Variants in ARHGDIA observed in about 807,000 individuals in gnomAD.
ARHGDIA encodes rho GDP-dissociation inhibitor 1.
A neutral mutation model predicts 25.0 loss-of-function variants in ARHGDIA; 9 were observed. The ratio of observed to expected loss-of-function variants is 0.36; its 90% CI spans 0.22 to 0.63. The LOEUF is 0.63. Among genes scored for constraint, ARHGDIA ranks in the 20% least tolerant of loss-of-function variants. ARHGDIA has a pLI of 0.69. For synonymous variants in ARHGDIA, 166 were observed against 111.5 expected (o/e 1.49, Z -3.08); for missense variants, 239 against 264.3 (o/e 0.90, Z 0.66).
At position 81,869,415 on chromosome 17, in the gene ARHGDIA, G is replaced by A. The variant is rs1308668192; in HGVS notation, c.275-9C>T. 1.2e-5 allele frequency: 19 copies of A among 1,613,430 alleles called. No individual in the cohort carries two copies. Among genetic ancestry groups the A allele is most frequent in the Non-Finnish European group, 1.4e-5 (17 of 1,179,934 alleles). On this transcript the variant is annotated splice_polypyrimidine_tract_variant and intron_variant, in intron 3 of 5. Transcript: ENST00000269321. ...GAAGCTCTCCAGGTCGCCTGTTGGG[G>A]GGACCTCCCCCTCAATGACTGCCCA...
At chr17:81,869,500 C>T in intron 3 of ARHGDIA, 42 bp downstream of exon 3, 6 of 1,608,536 alleles carry the variant, frequency 3.7e-6, no homozygotes, top group Non-Finnish European at 5.1e-6. Context: ...CCGAGATCCC[C>T]ACCAGGGGCC....
intron 4 of ARHGDIA, 40 bp from the exon 5 acceptor site, chr17:81,869,276 G>A: frequency 1.2e-6 from 2 of 1,613,884 alleles, no homozygotes; most frequent in Non-Finnish European, 8.5e-7. Flanking sequence ...GGTCGGTCCG[G>A]ACCCCAGCCC....
In ARHGDIA at chr17:81,869,083, A is replaced by C. The variant is rs754109519; in HGVS notation, c.416-8T>G. 1 of 1,612,702 alleles carries C rather than the reference A, an allele frequency of 6.2e-7. No homozygotes were observed. The highest frequency in any genetic ancestry group is 1.1e-5 in the South Asian group (1 of 91,026). On this transcript the variant is annotated splice_region_variant and splice_polypyrimidine_tract_variant and intron_variant, in intron 5 of 5. Transcript: ENST00000269321. Reference sequence around the variant, plus strand: ...TGTAGTCAGTCTTGTCAACTGCGGCACAAGGAAGAGGGCGGTCAGCGGCCC... The same window carrying C: ...TGTAGTCAGTCTTGTCAACTGCGGCCCAAGGAAGAGGGCGGTCAGCGGCCC...
rs764816110 is a variant in ARHGDIA at position 81,868,525 on chromosome 17, G to C, written c.*351C>G. 14 of 1,531,582 alleles carry C rather than the reference G, an allele frequency of 9.1e-6. No individual in the cohort carries two copies. The highest frequency in any genetic ancestry group is 4.8e-5 in the South Asian group (4 of 83,744). 94.9% of individuals were successfully genotyped at this position (1,531,582 alleles called of 1,614,324 possible). A position where few individuals can be genotyped will look rare whatever the true frequency, so the allele number is the denominator to read the frequency against. On this transcript the variant is annotated 3_prime_UTR_variant, in exon 6 of 6. Coordinates refer to ENST00000269321, the MANE Select transcript of ARHGDIA (RefSeq NM_004309.6). ...CGTCCAGGGGCAACCACGGGGCCTG[G>C]AGAATGGCTGCTCCGCTCCCTCCTG...
chr17:81,868,657 A>C lies in ARHGDIA; in HGVS notation c.*219T>G. The C allele has an allele frequency of 6.5e-7, 1 of 1,535,078 alleles. No individual in the cohort carries two copies. The highest frequency in any genetic ancestry group is 8.7e-7 in the Non-Finnish European group (1 of 1,146,728). On this transcript the variant is annotated 3_prime_UTR_variant, in exon 6 of 6. Transcript: ENST00000269321. ...CCCCACAGCACAGGCAGAAGCAGCA[A>C]CGAGACAGGAGACCGAGGAGGCTGG...
chr17:81,869,981 C>T lies in ARHGDIA; in HGVS notation c.-27-24G>A. 3.8e-6 allele frequency: 6 copies of T among 1,596,934 alleles called. No individual in the cohort carries two copies. The South Asian group carries it at 5.5e-5, about 15-fold the overall frequency. ...ACCTGTGGGCGGGACGGTGACAGGCCTTGGACCTGGATCCCCAACGGAGGC... is the reference window on the plus strand; with the variant it reads ...ACCTGTGGGCGGGACGGTGACAGGCTTTGGACCTGGATCCCCAACGGAGGC... On this transcript the variant is annotated intron_variant, in intron 1 of 5. Transcript: ENST00000269321.
Position 81,869,605 on chromosome 17 carries a change from CGACGTTGGG to C in ARHGDIA, c.202_210del (p.Pro68_Val70del), listed in dbSNP as rs758277491. Reference sequence around the variant, plus strand: ...CACACCAGGGTCAGGCCAGTCACCACGACGTTGGGGACGTTGGGGTCTGGGGAGTGACAG... The same window carrying C: ...CACACCAGGGTCAGGCCAGTCACCACGACGTTGGGGTCTGGGGAGTGACAG... On this transcript the variant is annotated inframe_deletion, in exon 3 of 6. Coordinates refer to ENST00000269321, the MANE Select transcript of ARHGDIA (RefSeq NM_004309.6). 2 of 1,521,596 alleles carry C rather than the reference CGACGTTGGG, an allele frequency of 1.3e-6. No homozygotes were observed. Among genetic ancestry groups the C allele is most frequent in the Non-Finnish European group, 8.8e-7 (1 of 1,136,978 alleles). The allele number at this position is 1,521,596 out of a possible 1,614,324, so 94.3% of individuals were successfully genotyped here. A position where few individuals can be genotyped will look rare whatever the true frequency, so the allele number is the denominator to read the frequency against.
chr17:81,869,448 T>C (rs1227701195), intron 3 of ARHGDIA, 42 bp from the exon 4 acceptor site: 1 of 1,612,508 alleles, frequency 6.2e-7, no homozygotes, highest in Non-Finnish European at 8.5e-7. Context: ...CCAGCAGCCC[T>C]GCGCGAAGCC....
chr17:81,869,741 C>T lies in ARHGDIA; in HGVS notation c.190G>A (p.Asp64Asn), dbSNP rs1280391121. 6.2e-7 allele frequency: 1 copy of T among 1,612,424 alleles called. No individual in the cohort carries two copies. Among genetic ancestry groups the T allele is most frequent in the Non-Finnish European group, 8.5e-7 (1 of 1,179,420 alleles). The change falls in exon 2 of 6, where the codon GAC becomes AAC. Residue 64 changes from aspartate (D) to asparagine (N), a missense_variant and splice_region_variant. Physicochemically the swap from Asp to Asn is conservative, Grantham distance 23. Coordinates refer to ENST00000269321, the MANE Select transcript of ARHGDIA (RefSeq NM_004309.6). ...CCCGGCTCCCGCAGCCCAGACTCACCTGCGGAAACGGCCACGCGGCCCAGC... is the reference window on the plus strand; with the variant it reads ...CCCGGCTCCCGCAGCCCAGACTCACTTGCGGAAACGGCCACGCGGCCCAGC... Reference protein sequence around the residue: ...ALLGRVAVSADPNVPNVVVTG... With the variant: ...ALLGRVAVSANPNVPNVVVTG...
In ARHGDIA at chr17:81,868,552, A is replaced by G; in HGVS notation, c.*324T>C. ...GAATGGCTGCTCCGCTCCCTCCTGAAGCCAGGCCTCGGGTGTGACGGGGAG... is the reference window on the plus strand; with the variant it reads ...GAATGGCTGCTCCGCTCCCTCCTGAGGCCAGGCCTCGGGTGTGACGGGGAG... On this transcript the variant is annotated 3_prime_UTR_variant, in exon 6 of 6. Coordinates refer to ENST00000269321, the MANE Select transcript of ARHGDIA (RefSeq NM_004309.6). 6.5e-7 allele frequency: 1 copy of G among 1,534,616 alleles called. No homozygotes were observed. The highest frequency in any genetic ancestry group is 1.2e-5 in the South Asian group (1 of 83,970).
At chr17:81,869,702 T>C in intron 2 of ARHGDIA, 39 bp downstream of exon 2, 1 of 1,584,006 alleles carries the variant, frequency 6.3e-7, no homozygotes, top group East Asian at 2.3e-5. Flanking sequence ...ACAGCTGGAG[T>C]GAACGGGCGG....
rs2039237931 is a variant in ARHGDIA at position 81,869,985 on chromosome 17, G to A, written c.-27-28C>T. ...GTGGGCGGGACGGTGACAGGCCTTG[G>A]ACCTGGATCCCCAACGGAGGCGCAC... On this transcript the variant is annotated intron_variant, in intron 1 of 5. Transcript: ENST00000269321. 1.2e-5 allele frequency: 19 copies of A among 1,594,660 alleles called. No individual in the cohort carries two copies. In the South Asian group the frequency reaches 1.8e-4, roughly 15 times the overall value.
At position 81,868,889 on chromosome 17, in the gene ARHGDIA, T is replaced by A; in HGVS notation, c.602A>T (p.Asp201Val). Reference sequence around the variant, plus strand: ...CTCTGGCTGGGCTCAGTCCTTCCAGTCCTTCTTGATGGTGAGATTCCACTC... The same window carrying A: ...CTCTGGCTGGGCTCAGTCCTTCCAGACCTTCTTGATGGTGAGATTCCACTC... ...SWEWNLTIKK[D>V]WKD Residue 201 changes from aspartate (D) to valine (V), a missense_variant, in exon 6 of 6, where the codon GAC becomes GTC. Physicochemically the swap from Asp to Val is radical, Grantham distance 152 (BLOSUM62 -3). Coordinates refer to ENST00000269321, the MANE Select transcript of ARHGDIA (RefSeq NM_004309.6). 1 of 1,613,298 alleles carries A rather than the reference T, an allele frequency of 6.2e-7. No homozygotes were observed. The highest frequency in any genetic ancestry group is 8.5e-7 in the Non-Finnish European group (1 of 1,179,860).
rs1016323815 is a variant in ARHGDIA, at chr17:81,868,671, CGAG to C, written c.*202_*204del. 4.6e-6 allele frequency: 7 copies of C among 1,534,578 alleles called. No homozygotes were observed. The highest frequency in any genetic ancestry group is 1.2e-5 in the South Asian group (1 of 83,474). On this transcript the variant is annotated 3_prime_UTR_variant, in exon 6 of 6. Transcript: ENST00000269321. The stretch of plus-strand genomic sequence containing the variant: ...CAGAAGCAGCAACGAGACAGGAGAC[CGAG>C]GAGGCTGGGCCTGTGGGTGGGGGAG...
chr17:81,868,258 G>A lies in ARHGDIA; in HGVS notation c.*618C>T. Reference sequence around the variant, plus strand: ...GGAGCAGCAGCAGCACACCCCACGTGTCCCTGGGTCACTGGGTTCGCCACC... The same window carrying A: ...GGAGCAGCAGCAGCACACCCCACGTATCCCTGGGTCACTGGGTTCGCCACC... On this transcript the variant is annotated 3_prime_UTR_variant, in exon 6 of 6. Transcript: ENST00000269321. The A allele has an allele frequency of 9.0e-7, 1 of 1,116,500 alleles. No individual in the cohort carries two copies. Among genetic ancestry groups the A allele is most frequent in the Non-Finnish European group, 1.2e-6 (1 of 820,690 alleles). 69.2% of individuals were successfully genotyped at this position (1,116,500 alleles called of 1,614,324 possible).
At chr17:81,870,378 C>T (rs1050084920) in intron 1 of ARHGDIA, 3 of 167,826 alleles carry the variant, frequency 1.8e-5, no homozygotes, top group Admixed American at 6.0e-5. Flanking sequence ...TAGGGTTGCT[C>T]CTCTGGCCGT....
Position 81,868,236 on chromosome 17 carries a change from G to A in ARHGDIA, c.*640C>T, listed in dbSNP as rs991522524. 15 of 896,328 alleles carry A rather than the reference G, an allele frequency of 1.7e-5. No homozygotes were observed. The East Asian group carries it at 2.8e-4, about 17-fold the overall frequency. The allele number at this position is 896,328 out of a possible 1,614,324, so 55.5% of individuals were successfully genotyped here. On this transcript the variant is annotated 3_prime_UTR_variant, in exon 6 of 6. Transcript: ENST00000269321. ...TGGCCAGGCACTGGTGGGCTGGGGA[G>A]CAGCAGCAGCACACCCCACGTGTCC...
At chr17:81,869,509 C>A (rs749341262) in intron 3 of ARHGDIA, 33 bp downstream of exon 3, 2 of 1,606,216 alleles carry the variant, frequency 1.2e-6, no homozygotes, top group Admixed American at 1.7e-5. Context: ...CCACCAGGGG[C>A]CGCCCGGACC....
Position 81,868,972 on chromosome 17 carries a change from G to T in ARHGDIA, c.519C>A (p.Gly173=). The T allele has an allele frequency of 1.9e-6, 3 of 1,613,812 alleles. No homozygotes were observed. Among genetic ancestry groups the T allele is most frequent in the Non-Finnish European group, 2.5e-6 (3 of 1,179,974 alleles). Residue 173 remains glycine, a synonymous_variant, in exon 6 of 6, where the codon GGC becomes GGA. Coordinates refer to ENST00000269321, the MANE Select transcript of ARHGDIA (RefSeq NM_004309.6). ...TGAAGCGGGACTTGATGCTGTAGCT[G>T]CCCCGGGCCAGCATACCCTTGGGTG... ...EEAPKGMLAR[G]SYSIKSRFTD...
Sources: allele counts gnomAD v4.1 joint callset, GRCh38; gene constraint gnomAD v4.1.1; transcripts MANE v1.5; gene names NCBI Gene and HGNC (gene_info 2026-07-23, HGNC 2026-07-21).